Variants in FRMD5 observed in about 807,000 individuals in gnomAD.
The protein encoded by FRMD5 is FERM domain containing 5.
A neutral mutation model predicts 69.0 loss-of-function variants in FRMD5; 20 were observed. The observed-to-expected ratio is 0.29, with a 90% confidence interval of 0.20 to 0.42. The LOEUF is 0.42. FRMD5 is among the 10% of genes least tolerant of loss of function. The pLI, the probability that FRMD5 is intolerant of heterozygous loss-of-function variation, is 1.00. For synonymous variants in FRMD5, 271 were observed against 260.1 expected (o/e 1.04, Z -0.40); for missense variants, 595 against 708.6 (o/e 0.84, Z 1.82).
At chr15:44,075,763 C>T (rs1893731722) in intron 1 of FRMD5, among the ~76,000 whole-genome samples, 1 of 152,168 alleles carries the variant, frequency 6.6e-6, no homozygotes, top group South Asian at 2.1e-4. Context: ...CAATTATTCA[C>T]TCCCCTGATA....
intron 1 of FRMD5, among the ~76,000 whole-genome samples, chr15:43,937,266 T>C (rs1025226774): frequency 2.0e-5 from 3 of 152,184 alleles, no homozygotes; most frequent in African/African-American, 7.2e-5. Context: ...TAACATAGAA[T>C]TGGCTGCCAG....
intron 1 of FRMD5, among the ~76,000 whole-genome samples, chr15:44,192,116 T>C (rs2078207412): frequency 6.6e-6 from 1 of 151,884 alleles, no homozygotes; most frequent in Admixed American, 6.6e-5. Context: ...TACAAATACA[T>C]TTGCATATCA....
chr15:43,977,457 T>C (rs2090481914), intron 1 of FRMD5, among the ~76,000 whole-genome samples: 1 of 152,020 alleles, frequency 6.6e-6, no homozygotes, highest in Admixed American at 6.6e-5. Context: ...ATGGGGGAGG[T>C]GGCCTTCCTC....
intron 7 of FRMD5, among the ~76,000 whole-genome samples, chr15:43,892,715 C>A (rs1158593421): frequency 6.6e-6 from 1 of 152,208 alleles, no homozygotes; most frequent in African/African-American, 2.4e-5. Context: ...ACCTTGAAAA[C>A]ATTATGCCAA....
chr15:43,873,108 T>A lies in FRMD5; in HGVS notation c.*777A>T, dbSNP rs1224434745. ...CGGAAAAAAAAAATCACGTTAAGTC[T>A]AGTTTCATTATACAAAACTATGGTG... On this transcript the variant is annotated 3_prime_UTR_variant, in exon 14 of 14. Transcript: ENST00000417257. 3.5e-5 allele frequency: 49 copies of A among 1,413,638 alleles called. No individual in the cohort carries two copies. The highest frequency in any genetic ancestry group is 3.1e-5 in the Non-Finnish European group (32 of 1,032,972). 87.6% of individuals were successfully genotyped at this position (1,413,638 alleles called of 1,614,324 possible).
intron 1 of FRMD5, among the ~76,000 whole-genome samples, chr15:44,145,166 A>T (rs1429339130): frequency 6.6e-6 from 1 of 152,184 alleles, no homozygotes; most frequent in Non-Finnish European, 1.5e-5. Flanking sequence ...AGCCTCCTGC[A>T]AACATTTGTC....
At chr15:44,128,224 A>G (rs2140412851) in intron 1 of FRMD5, among the ~76,000 whole-genome samples, 1 of 152,358 alleles carries the variant, frequency 6.6e-6, no homozygotes, top group South Asian at 2.1e-4. Flanking sequence ...TCAGGCCTGT[A>G]ATCTCAGCAC....
At chr15:43,926,863 A>T (rs2089594498) in intron 1 of FRMD5, among the ~76,000 whole-genome samples, 1 of 149,276 alleles carries the variant, frequency 6.7e-6, no homozygotes, top group Non-Finnish European at 1.5e-5. Context: ...GTGTGGCTGG[A>T]TTTGACCTAG....
intron 1 of FRMD5, among the ~76,000 whole-genome samples, chr15:44,126,403 T>C (rs184340878): frequency 7.0e-4 from 106 of 152,344 alleles, no homozygotes; most frequent in African/African-American, 2.2e-3. Context: ...CATGAACTAA[T>C]ACAATAAATC....
At chr15:43,960,705 A>G (rs1363096882) in intron 1 of FRMD5, among the ~76,000 whole-genome samples, 1 of 152,232 alleles carries the variant, frequency 6.6e-6, no homozygotes, top group African/African-American at 2.4e-5. Context: ...TTTTTTAAAA[A>G]TGAGATCCAT....
chr15:44,195,275 T>A, upstream of FRMD5: 1 of 507,882 alleles, frequency 2.0e-6, no homozygotes, highest in South Asian at 2.5e-5. Context: ...GGGCTCTGTC[T>A]CCTCGGCGCC....
intron 1 of FRMD5, among the ~76,000 whole-genome samples, chr15:43,947,387 T>C (rs1321272202): frequency 6.6e-6 from 1 of 152,266 alleles, no homozygotes; most frequent in African/African-American, 2.4e-5. Context: ...CTCAATTTCA[T>C]GCTGATAACT....
chr15:43,912,582 C>T (rs1364355450), intron 4 of FRMD5, among the ~76,000 whole-genome samples: 1 of 151,970 alleles, frequency 6.6e-6, no homozygotes, highest in Non-Finnish European at 1.5e-5. Context: ...AATTCAGGGA[C>T]TGTACATATT....
Position 43,873,064 on chromosome 15 carries a change from TAA to T in FRMD5, c.*819_*820del. On this transcript the variant is annotated 3_prime_UTR_variant, in exon 14 of 14. Coordinates refer to ENST00000417257, the MANE Select transcript of FRMD5 (RefSeq NM_032892.5). ...TTCGTTTAACGCCCCTGGAGCACTA[TAA>T]AAGTCTTGAGGTTCTTCGGAAAAAA... The T allele has an allele frequency of 1.0e-6, 1 of 990,580 alleles. No homozygotes were observed. Among genetic ancestry groups the T allele is most frequent in the East Asian group, 2.6e-5 (1 of 38,298 alleles). 61.4% of individuals were successfully genotyped at this position (990,580 alleles called of 1,614,324 possible).
chr15:44,174,957 G>A (rs886601782), intron 1 of FRMD5, among the ~76,000 whole-genome samples: 1 of 152,100 alleles, frequency 6.6e-6, no homozygotes, highest in Non-Finnish European at 1.5e-5. Context: ...TAATGCATGC[G>A]GGGCTTAAAA....
At chr15:43,945,631 G>A (rs2089933428) in intron 1 of FRMD5, among the ~76,000 whole-genome samples, 1 of 152,084 alleles carries the variant, frequency 6.6e-6, no homozygotes, top group South Asian at 2.1e-4. Context: ...GAACTTCTTG[G>A]ACACACAACT....
chr15:43,997,905 G>A (rs932649001), intron 1 of FRMD5, among the ~76,000 whole-genome samples: 1 of 151,980 alleles, frequency 6.6e-6, no homozygotes, highest in Non-Finnish European at 1.5e-5. Context: ...GAGATCTCCG[G>A]TCTACTTCCA....
intron 1 of FRMD5, among the ~76,000 whole-genome samples, chr15:44,049,229 C>T (rs1037450957): frequency 6.6e-6 from 1 of 152,186 alleles, no homozygotes; most frequent in African/African-American, 2.4e-5. Context: ...AGACCTCTAA[C>T]CAGAGTTGTT....
rs2088592313 is a variant in FRMD5 at position 43,883,697 on chromosome 15, G to A, written c.1135+6C>T. On this transcript the variant is annotated splice_donor_region_variant and intron_variant, in intron 13 of 13. Coordinates refer to ENST00000417257, the MANE Select transcript of FRMD5 (RefSeq NM_032892.5). ...CCAGTGGTCACCTCAAGAAGCTCAT[G>A]CTCACCTTCCATGATGGAGATGTGA... 1 of 1,599,688 alleles carries A rather than the reference G, an allele frequency of 6.3e-7. No homozygotes were observed. Among genetic ancestry groups the A allele is most frequent in the Non-Finnish European group, 8.5e-7 (1 of 1,171,800 alleles).
Sources: gnomAD v4.1 joint callset for allele counts (sites outside exome capture counted in the v4.1 genomes callset) on GRCh38, gnomAD v4.1.1 for gene constraint, MANE v1.5 for transcripts, NCBI Gene and HGNC (gene_info 2026-07-23, HGNC 2026-07-21) for gene names.